PRKCB: variants seen among roughly 807,000 people sequenced by gnomAD.
The protein encoded by PRKCB is protein kinase C beta.
Under a neutral mutation model 81.5 loss-of-function variants are expected in PRKCB, and 13 were observed. That is an observed-to-expected ratio of 0.16 (90% confidence interval 0.10 to 0.25). The LOEUF is 0.25. PRKCB is among the 10% of genes least tolerant of loss of function. PRKCB has a pLI of 1.00. For synonymous variants in PRKCB, 335 were observed against 321.4 expected (o/e 1.04, Z -0.45); for missense variants, 509 against 875.7 (o/e 0.58, Z 5.29).
chr16:24,211,838 G>A (rs1391804940), intron 16 of PRKCB, among the ~76,000 whole-genome samples: 1 of 152,108 alleles, frequency 6.6e-6, no homozygotes, highest in East Asian at 1.9e-4. Flanking sequence ...GGGATTACAG[G>A]CATGAGCCAC....
chr16:23,873,579 A>G (rs1369597498), intron 2 of PRKCB, among the ~76,000 whole-genome samples: 2 of 152,168 alleles, frequency 1.3e-5, no homozygotes, highest in African/African-American at 2.4e-5. Flanking sequence ...CTTTCTGGCC[A>G]TACTTCACAC....
chr16:24,089,309 AC>A (rs1441652866), intron 5 of PRKCB, among the ~76,000 whole-genome samples: 2 of 152,206 alleles, frequency 1.3e-5, no homozygotes, highest in African/African-American at 2.4e-5. Context: ...GGTGCCAGAT[AC>A]ATGTGTCTCA....
At chr16:24,113,910 T>C (rs2141919872) in intron 8 of PRKCB, among the ~76,000 whole-genome samples, 1 of 152,012 alleles carries the variant, frequency 6.6e-6, no homozygotes, top group South Asian at 2.1e-4. Flanking sequence ...ATGGTAGTCA[T>C]GGTGAATGAA....
rs560018695 is a variant in PRKCB, at chr16:24,054,727, A to G, written c.529+19180A>G. On this transcript the variant is annotated intron_variant, in intron 5 of 16. Coordinates refer to ENST00000643927, the MANE Select transcript of PRKCB (RefSeq NM_002738.7). ...AAGCCGTTGACAGCTCATTTATGTGATGCTGGTGCAGTTTGACATTCATAG... is the reference window on the plus strand; with the variant it reads ...AAGCCGTTGACAGCTCATTTATGTGGTGCTGGTGCAGTTTGACATTCATAG... Among the ~76,000 whole-genome samples the G allele has an allele frequency of 2.0e-5, 3 of 152,350 alleles. No individual in the cohort carries two copies. In the South Asian group the frequency reaches 6.2e-4, roughly 32 times the overall value.
intron 5 of PRKCB, among the ~76,000 whole-genome samples, chr16:24,039,524 C>T (rs2341645): frequency 0.21 from 32,295 of 152,168 alleles, 3,825 homozygotes; most frequent in South Asian, 0.38. Context: ...GCCACTGTGC[C>T]GGCCTAAATG....
chr16:24,136,576 G>A (rs1197848236), intron 9 of PRKCB, among the ~76,000 whole-genome samples: 2 of 152,142 alleles, frequency 1.3e-5, no homozygotes, highest in African/African-American at 4.8e-5. Context: ...TCTCAGCCTT[G>A]TTGATGCTTC....
rs112457533 is a variant in PRKCB at position 23,853,480 on chromosome 16, C to T, written c.205+16074C>T. 4.7e-4 allele frequency among the ~76,000 whole-genome samples: 71 copies of T among 152,284 alleles called. No homozygotes were observed. In the South Asian group the frequency reaches 7.9e-3, roughly 17 times the overall value. On this transcript the variant is annotated intron_variant, in intron 2 of 16. Coordinates refer to ENST00000643927, the MANE Select transcript of PRKCB (RefSeq NM_002738.7). ...AGAACCCAGGCAAAGAGGCAACCAA[C>T]GGAAGGGGGTCCTGGGACATGTCGA...
intron 4 of PRKCB, among the ~76,000 whole-genome samples, chr16:24,033,982 TCA>T (rs1017537242): frequency 2.0e-5 from 3 of 151,770 alleles, no homozygotes; most frequent in African/African-American, 7.3e-5. Context: ...ACAGACCGAT[TCA>T]CAGACACGGC....
At chr16:24,080,787 T>C (rs2141892329) in intron 5 of PRKCB, among the ~76,000 whole-genome samples, 1 of 152,234 alleles carries the variant, frequency 6.6e-6, no homozygotes, top group South Asian at 2.1e-4. Context: ...TATTTTGAAT[T>C]GAAAGAAAAT....
At chr16:23,898,118 T>C (rs1310534745) in intron 2 of PRKCB, among the ~76,000 whole-genome samples, 5 of 150,370 alleles carry the variant, frequency 3.3e-5, no homozygotes, top group Admixed American at 2.0e-4. Context: ...CAGGCCAGAG[T>C]GCAGTGGTGC....
At chr16:23,964,058 C>G (rs986045797) in intron 2 of PRKCB, among the ~76,000 whole-genome samples, 2 of 152,188 alleles carry the variant, frequency 1.3e-5, no homozygotes, top group African/African-American at 4.8e-5. Context: ...GCATCTATAA[C>G]CCCACGGTCC....
rs546075589 is a variant in PRKCB at position 24,178,701 on chromosome 16, G to A, written c.1395-2089G>A. ...GGATATGAGCAGCACCACGGACAGCGCCAAAGGCATGGCGTGTTGGGATTG... is the reference window on the plus strand; with the variant it reads ...GGATATGAGCAGCACCACGGACAGCACCAAAGGCATGGCGTGTTGGGATTG... On this transcript the variant is annotated intron_variant, in intron 12 of 16. Coordinates refer to ENST00000643927, the MANE Select transcript of PRKCB (RefSeq NM_002738.7). Among the ~76,000 whole-genome samples, 4 of 152,318 alleles carry A rather than the reference G, an allele frequency of 2.6e-5. No homozygotes were observed. The South Asian group carries it at 8.3e-4, about 32-fold the overall frequency.
At chr16:24,181,354 G>A (rs1356634355) in intron 13 of PRKCB, among the ~76,000 whole-genome samples, 1 of 152,090 alleles carries the variant, frequency 6.6e-6, no homozygotes, top group East Asian at 1.9e-4. Flanking sequence ...AATAGCCCGT[G>A]ATTTATTTAT....
chr16:24,202,135 C>G (rs1305145322), intron 16 of PRKCB, among the ~76,000 whole-genome samples: 2 of 152,134 alleles, frequency 1.3e-5, no homozygotes, highest in African/African-American at 4.8e-5. Flanking sequence ...TCCTTTCTGA[C>G]TCTATCCTGG....
Position 23,882,021 on chromosome 16 carries a change from T to TCTTTCTTTCTTTCTTC in PRKCB, c.205+44618_205+44619insTCTTTCTTTCTTCCTT. Among the ~76,000 whole-genome samples, 40 of 55,628 alleles carry TCTTTCTTTCTTTCTTC rather than the reference T, an allele frequency of 7.2e-4. 4 individuals carry two copies. The highest frequency in any genetic ancestry group is 2.2e-3 in the African/African-American group (38 of 16,904). 36.5% of individuals were successfully genotyped at this position (55,628 alleles called of 152,430 possible). Reference sequence around the variant, plus strand: ...TTCTTTCTTTCTTTCTTTCTTTCTTTCTTCCTTCCTTCCTTCCTTCCTTCC... The same window carrying TCTTTCTTTCTTTCTTC: ...TTCTTTCTTTCTTTCTTTCTTTCTTTCTTTCTTTCTTTCTTCCTTCCTTCCTTCCTTCCTTCCTTCC... On this transcript the variant is annotated intron_variant, in intron 2 of 16. Transcript: ENST00000643927.
chr16:24,010,665 C>T (rs1226230118), intron 3 of PRKCB, among the ~76,000 whole-genome samples: 1 of 152,148 alleles, frequency 6.6e-6, no homozygotes, highest in Non-Finnish European at 1.5e-5. Flanking sequence ...CCCTGCTGTC[C>T]TTTAGCACCC....
intron 8 of PRKCB, among the ~76,000 whole-genome samples, chr16:24,120,104 C>A (rs1252965841): frequency 2.6e-5 from 4 of 152,162 alleles, no homozygotes; most frequent in Admixed American, 6.5e-5. Flanking sequence ...CACAAGAGTA[C>A]ACACTCTACA....
intron 3 of PRKCB, among the ~76,000 whole-genome samples, chr16:24,002,765 C>T (rs577540228): frequency 1.6e-4 from 25 of 152,228 alleles, no homozygotes; most frequent in African/African-American, 5.8e-4. Context: ...AAGGAGCATG[C>T]GGGGATGGGA....
chr16:24,179,445 A>G (rs921470454), intron 12 of PRKCB, among the ~76,000 whole-genome samples: 2 of 152,172 alleles, frequency 1.3e-5, no homozygotes, highest in Non-Finnish European at 2.9e-5. Context: ...AGATCCCCCT[A>G]CCTCTCAGGA....
Sources: gnomAD v4.1 joint callset for allele counts (sites outside exome capture counted in the v4.1 genomes callset) on GRCh38, gnomAD v4.1.1 for gene constraint, MANE v1.5 for transcripts, NCBI Gene and HGNC (gene_info 2026-07-23, HGNC 2026-07-21) for gene names.